SYBU: variants seen among roughly 807,000 people sequenced by gnomAD.
SYBU encodes the protein syntabulin.
A neutral mutation model predicts 35.9 loss-of-function variants in SYBU; 21 were observed. That is an observed-to-expected ratio of 0.58 (90% CI 0.41 to 0.84). The LOEUF (loss-of-function observed/expected upper bound fraction) is 0.84, where lower values mean the gene tolerates loss of function less well. Among genes scored for constraint, SYBU ranks in the 40% least tolerant of loss-of-function variants. SYBU has a pLI of 0.00. For missense variants in SYBU, 768 were observed against 848.2 expected (o/e 0.91, Z 1.17); for synonymous variants, 319 against 324.3 (o/e 0.98, Z 0.18).
Position 109,691,288 on chromosome 8 carries a change from C to CGCACCACCA in SYBU, c.-58+44_-58+45insTGGTGGTGC, listed in dbSNP as rs1817638791. The CGCACCACCA allele has an allele frequency of 1.4e-6, 1 of 698,160 alleles. No individual in the cohort carries two copies. The highest frequency in any genetic ancestry group is 1.8e-5 in the African/African-American group (1 of 56,572). The allele number at this position is 698,160 out of a possible 1,614,324, so 43.2% of individuals were successfully genotyped here. On this transcript the variant is annotated intron_variant, in intron 1 of 7. Transcript: ENST00000422135. The surrounding 1 kb of genome is among the most constrained non-coding windows in gnomAD (Gnocchi z 4.7). ...AAGACCATCAGTTGCCCTCCCGTGT[C>CGCACCACCA]CGCGGGCACTGACAGCAGAGACCGC...
At chr8:109,585,883 A>C in intron 4 of SYBU, 177 bp downstream of exon 4, 1 of 588,134 alleles carries the variant, frequency 1.7e-6, no homozygotes, top group Non-Finnish European at 3.0e-6. Flanking sequence ...ATGTGACCAC[A>C]GTTGGCAAGA....
chr8:109,677,474 G>T (rs1488708518), intron 1 of SYBU, among the ~76,000 whole-genome samples: 1 of 152,130 alleles, frequency 6.6e-6, no homozygotes, highest in Non-Finnish European at 1.5e-5. Context: ...CCAGGCAAAG[G>T]TTTGAATTAA....
intron 3 of SYBU, among the ~76,000 whole-genome samples, chr8:109,617,027 T>C (rs1195214399): frequency 3.3e-5 from 5 of 152,002 alleles, no homozygotes; most frequent in Non-Finnish European, 7.4e-5. Flanking sequence ...TCCCAGCTAC[T>C]TGGGAGGGTG....
Position 109,632,335 on chromosome 8 carries a change from C to A in SYBU, c.229+10393G>T, listed in dbSNP as rs566231928. On this transcript the variant is annotated intron_variant, in intron 2 of 6. Transcript: ENST00000276646. ...GGATTACAGGCATGAGCCACCGTGC[C>A]CAGCCCCAAGAAGCTAGTTCTTATT... 4.7e-4 allele frequency among the ~76,000 whole-genome samples: 72 copies of A among 152,288 alleles called. No individual in the cohort carries two copies. The South Asian group carries it at 0.015, about 31-fold the overall frequency.
chr8:109,595,606 T>C (rs1824780660), intron 3 of SYBU, among the ~76,000 whole-genome samples: 1 of 152,234 alleles, frequency 6.6e-6, no homozygotes, highest in Non-Finnish European at 1.5e-5. Context: ...AAAGACTGTT[T>C]CCTGCTGGAA....
rs187406366 is a variant in SYBU at position 109,674,877 on chromosome 8, G to C, written c.-129+5834C>G. Among the ~76,000 whole-genome samples the C allele has an allele frequency of 6.8e-4, 103 of 152,192 alleles. 2 individuals are homozygous for C. Among genetic ancestry groups the C allele is most frequent in the Middle Eastern group, 6.8e-3 (2 of 294 alleles). On this transcript the variant is annotated intron_variant, in intron 1 of 5. Transcript: ENST00000408889. The stretch of plus-strand genomic sequence containing the variant: ...ACCATATCACACTTATTCTAATATA[G>C]ACCATGTAATTGGAAGTAAAACACT...
intron 3 of SYBU, among the ~76,000 whole-genome samples, chr8:109,588,866 A>C (rs1823913318): frequency 6.6e-6 from 1 of 152,196 alleles, no homozygotes; most frequent in African/African-American, 2.4e-5. Flanking sequence ...TAACCTAAAA[A>C]CATAGAAACT....
At chr8:109,595,018 T>C (rs917072550) in intron 3 of SYBU, among the ~76,000 whole-genome samples, 18 of 152,200 alleles carry the variant, frequency 1.2e-4, no homozygotes, top group African/African-American at 3.6e-4. Context: ...GTTGTAAGGA[T>C]GATGTAAGAT....
chr8:109,635,768 C>T (rs1477488910), intron 2 of SYBU, among the ~76,000 whole-genome samples: 4 of 152,122 alleles, frequency 2.6e-5, no homozygotes, highest in African/African-American at 9.7e-5. Context: ...CAGGCAGACT[C>T]CAGTCACTCC....
intron 2 of SYBU, among the ~76,000 whole-genome samples, chr8:109,622,866 T>C (rs938535140): frequency 1.3e-5 from 2 of 152,222 alleles, no homozygotes; most frequent in Non-Finnish European, 2.9e-5. Flanking sequence ...GCCCCCAAAG[T>C]GTGGGATGTT....
At chr8:109,668,994 AATTTTACTAGACTGAAAATTTAGGTTT>A (rs1412937582) in intron 1 of SYBU, among the ~76,000 whole-genome samples, 1 of 152,168 alleles carries the variant, frequency 6.6e-6, no homozygotes, top group Admixed American at 6.5e-5. Context: ...AAGCAGCAAA[AATTTTACTAGACTGAAAATTTAGGTTT>A]ATTTCTCTGA....
chr8:109,586,333 G>A (rs1209550105), intron 3 of SYBU, 171 bp from the exon 4 acceptor site: 3 of 590,030 alleles, frequency 5.1e-6, no homozygotes, highest in Non-Finnish European at 9.0e-6. Flanking sequence ...TCAAGAGAAG[G>A]CCCAGTACAA....
At chr8:109,661,121 A>G (rs556138574) in intron 1 of SYBU, among the ~76,000 whole-genome samples, 1 of 152,332 alleles carries the variant, frequency 6.6e-6, no homozygotes, top group African/African-American at 2.4e-5. Flanking sequence ...TTTTGGACAG[A>G]AGTGTGTGCA....
intron 3 of SYBU, among the ~76,000 whole-genome samples, chr8:109,597,732 T>C (rs1400386702): frequency 6.6e-6 from 1 of 151,988 alleles, no homozygotes; most frequent in African/African-American, 2.4e-5. Flanking sequence ...GTTTTTTGAG[T>C]CTATATGAGG....
chr8:109,656,456 TTC>T (rs1352097992), intron 1 of SYBU, among the ~76,000 whole-genome samples: 17 of 152,238 alleles, frequency 1.1e-4, no homozygotes, highest in Non-Finnish European at 2.2e-4. Flanking sequence ...ATTAAGAATC[TTC>T]TGTTTGTCAT....
In SYBU at chr8:109,621,385, C is replaced by CT. The variant is rs148521414; in HGVS notation, c.230-2347dup. The stretch of plus-strand genomic sequence containing the variant: ...TTTAACCTGGAGTGTGATGCCTCAC[C>CT]TGTCATCAGTATTTACAGCCAGGAT... On this transcript the variant is annotated intron_variant, in intron 2 of 6. Transcript: ENST00000276646. Among the ~76,000 whole-genome samples, 418 of 152,278 alleles carry CT rather than the reference C, an allele frequency of 2.7e-3. 5 individuals are homozygous for CT. The East Asian group carries it at 0.04, about 15-fold the overall frequency.
At chr8:109,624,007 A>C (rs564291881) in intron 2 of SYBU, among the ~76,000 whole-genome samples, 1 of 152,160 alleles carries the variant, frequency 6.6e-6, no homozygotes, top group Non-Finnish European at 1.5e-5. Context: ...ATTATCTGTC[A>C]TTGAAAATTT....
intron 3 of SYBU, among the ~76,000 whole-genome samples, chr8:109,604,576 A>C (rs1383859830): frequency 6.6e-6 from 1 of 152,236 alleles, no homozygotes; most frequent in African/African-American, 2.4e-5. Flanking sequence ...GACTGAGAAG[A>C]AAAGGAAGGG....
At chr8:109,606,466 TCCCATACTATG>T (rs1826077322) in intron 3 of SYBU, among the ~76,000 whole-genome samples, 1 of 152,130 alleles carries the variant, frequency 6.6e-6, no homozygotes, top group African/African-American at 2.4e-5. Flanking sequence ...TAAAAATAAA[TCCCATACTATG>T]CTGGTTTTTA....
Sources: allele counts gnomAD v4.1 joint callset (sites outside exome capture counted in the v4.1 genomes callset), GRCh38; gene constraint gnomAD v4.1.1; non-coding constraint Gnocchi (gnomAD v3.1); transcripts MANE v1.5; gene names NCBI Gene and HGNC (gene_info 2026-07-23, HGNC 2026-07-21).